Variants in COBLL1 observed in about 807,000 individuals in gnomAD.
COBLL1 encodes cordon-bleu WH2 repeat protein like 1, also known as cordon-bleu protein-like 1.
COBLL1 carries 50 observed loss-of-function variants against 94.8 expected under a neutral mutation model. The observed-to-expected ratio is 0.53, with a 90% CI of 0.42 to 0.67. COBLL1 has a LOEUF of 0.67. Among genes scored for constraint, COBLL1 ranks in the 30% least tolerant of loss-of-function variants. The probability of loss-of-function intolerance (pLI) is 0.00; values close to 1 mark genes in which losing one functional copy is unlikely to be tolerated. For synonymous variants in COBLL1, 448 were observed against 473.8 expected (o/e 0.95, Z 0.71); for missense variants, 1,362 against 1,348.7 (o/e 1.01, Z -0.15).
intron 2 of COBLL1, among the ~76,000 whole-genome samples, chr2:164,815,554 T>C (rs1684688506): frequency 6.6e-6 from 1 of 152,156 alleles, no homozygotes; most frequent in Non-Finnish European, 1.5e-5. Context: ...GAAAATTGTA[T>C]AAGCCTAGTT....
In COBLL1 at chr2:164,812,209, G is replaced by T. The variant is rs762302336; in HGVS notation, c.41+28947C>A. On this transcript the variant is annotated intron_variant, in intron 2 of 13. Coordinates refer to ENST00000652658, the MANE Select transcript of COBLL1 (RefSeq NM_001365672.2). ...CTGTATTATGTACGAAACTAGGTCA[G>T]CCAGTCAAGAACACTTGAATGTTGG... 4.3e-4 allele frequency among the ~76,000 whole-genome samples: 65 copies of T among 152,086 alleles called. No homozygotes were observed. In the Middle Eastern group the frequency reaches 0.01, roughly 24 times the overall value.
In COBLL1 at chr2:164,731,860, C is replaced by T. The variant is rs73968239; in HGVS notation, c.231-1745G>A. ...GCACCTGTTTTCATACGGCACGTCA[C>T]CCCTAGTAAGCTCCCAGGCCTGCAG... On this transcript the variant is annotated intron_variant, in intron 3 of 13. Transcript: ENST00000652658. 2.4e-3 allele frequency among the ~76,000 whole-genome samples: 365 copies of T among 152,286 alleles called. 2 individuals carry two copies. Among genetic ancestry groups the T allele is most frequent in the African/African-American group, 8.3e-3 (347 of 41,562 alleles).
intron 7 of COBLL1, among the ~76,000 whole-genome samples, chr2:164,712,812 A>G (rs1006633853): frequency 6.6e-6 from 1 of 152,156 alleles, no homozygotes; most frequent in African/African-American, 2.4e-5. Context: ...CAATCTCACA[A>G]GACACAAATA....
chr2:164,661,752 A>G (rs943375305), intron 2 of COBLL1, among the ~76,000 whole-genome samples: 1 of 152,188 alleles, frequency 6.6e-6, no homozygotes, highest in Non-Finnish European at 1.5e-5. Context: ...ACTGTTTGGA[A>G]TTTAATTTAT....
chr2:164,767,700 G>A lies in COBLL1; in HGVS notation c.42-23825C>T, dbSNP rs74426755. ...CATATTTTTATTTCATTATTTTAGT[G>A]TCCCATTCAATTATAATTTAATAGC... is the stretch of plus-strand genomic sequence containing the variant. On this transcript the variant is annotated intron_variant, in intron 2 of 13. Transcript: ENST00000652658. Among the ~76,000 whole-genome samples, 786 of 152,038 alleles carry A rather than the reference G, an allele frequency of 5.2e-3. 12 individuals are homozygous for A. Among genetic ancestry groups the A allele is most frequent in the African/African-American group, 0.017 (725 of 41,484 alleles).
intron 2 of COBLL1, among the ~76,000 whole-genome samples, chr2:164,816,342 G>A (rs561627792): frequency 1.3e-5 from 2 of 152,208 alleles, no homozygotes; most frequent in South Asian, 4.1e-4. Context: ...GTGGGTGAAA[G>A]GACAGTGTGA....
intron 2 of COBLL1, among the ~76,000 whole-genome samples, chr2:164,800,160 A>G (rs1683691216): frequency 6.6e-6 from 1 of 152,218 alleles, no homozygotes; most frequent in Admixed American, 6.5e-5. Context: ...CTAGGAGAAA[A>G]TATTTCCAAA....
intron 13 of COBLL1, among the ~76,000 whole-genome samples, chr2:164,690,338 G>A (rs565780880): frequency 2.6e-5 from 4 of 152,104 alleles, no homozygotes; most frequent in Admixed American, 2.0e-4. Context: ...CTATCAATAA[G>A]GTTCCACTGA....
At chr2:164,710,236 T>C (rs890280364) in intron 7 of COBLL1, among the ~76,000 whole-genome samples, 1 of 152,082 alleles carries the variant, frequency 6.6e-6, no homozygotes, top group Non-Finnish European at 1.5e-5. Context: ...ATGTTCTACA[T>C]CTACTAAAAA....
In COBLL1 at chr2:164,789,020, A is replaced by AACACACAC. The variant is rs56773751; in HGVS notation, c.42-45153_42-45146dup. ...GATTACCTGTAGGAGTAGAGGTTTA[A>AACACACAC]ACACACACACACACACACACACACA... On this transcript the variant is annotated intron_variant, in intron 2 of 13. Transcript: ENST00000652658. 8.0e-4 allele frequency among the ~76,000 whole-genome samples: 114 copies of AACACACAC among 141,668 alleles called. 1 individual carries two copies. The highest frequency in any genetic ancestry group is 3.6e-3 in the Middle Eastern group (1 of 280). 92.9% of individuals were successfully genotyped at this position (141,668 alleles called of 152,430 possible).
intron 2 of COBLL1, among the ~76,000 whole-genome samples, chr2:164,747,520 G>A (rs1558977161): frequency 6.6e-6 from 1 of 152,180 alleles, no homozygotes; most frequent in Non-Finnish European, 1.5e-5. Context: ...GTCTGGCTCT[G>A]TCACCTAGGC....
chr2:164,751,476 G>C (rs1344393813), intron 2 of COBLL1, among the ~76,000 whole-genome samples: 6 of 151,736 alleles, frequency 4.0e-5, no homozygotes, highest in Non-Finnish European at 1.5e-5. Flanking sequence ...GTTGCTGAGA[G>C]TCAACCTGTT....
intron 2 of COBLL1, among the ~76,000 whole-genome samples, chr2:164,768,203 C>T (rs1049725168): frequency 8.5e-5 from 13 of 152,102 alleles, no homozygotes; most frequent in African/African-American, 3.1e-4. Context: ...CCTGCTACTC[C>T]TTAATTTATT....
rs1683639497 is a variant in COBLL1, at chr2:164,841,805, C to T, written c.-146G>A. ...CGGCCCGCGCTCTTGCCGCTCGGCT[C>T]TCAAGCCAGGACTTGAATGGAGAAG... On this transcript the variant is annotated 5_prime_UTR_variant, in exon 1 of 14. Coordinates refer to ENST00000652658, the MANE Select transcript of COBLL1 (RefSeq NM_001365672.2). This position sits in a 1 kb window ranked among gnomAD's most constrained non-coding sequence, Gnocchi z 5.5. 2 of 602,456 alleles carry T rather than the reference C, an allele frequency of 3.3e-6. No individual in the cohort carries two copies. Among genetic ancestry groups the T allele is most frequent in the East Asian group, 3.2e-5 (1 of 31,352 alleles). The allele number at this position is 602,456 out of a possible 1,614,324, so 37.3% of individuals were successfully genotyped here.
chr2:164,672,572 G>T (rs1173084998), intron 1 of COBLL1, among the ~76,000 whole-genome samples: 2 of 151,628 alleles, frequency 1.3e-5, no homozygotes, highest in Non-Finnish European at 2.9e-5. Flanking sequence ...GGTGGCGGGC[G>T]CCTGTAGTCC....
intron 2 of COBLL1, among the ~76,000 whole-genome samples, chr2:164,815,202 C>T (rs544834035): frequency 2.6e-5 from 4 of 152,040 alleles, no homozygotes; most frequent in Non-Finnish European, 5.9e-5. Context: ...GAGTTTGAGA[C>T]CAGCCTGGCC....
At chr2:164,818,691 T>C (rs1684999324) in intron 2 of COBLL1, among the ~76,000 whole-genome samples, 1 of 146,550 alleles carries the variant, frequency 6.8e-6, no homozygotes, top group South Asian at 2.1e-4. Context: ...ATATAGTGTA[T>C]ATGTACTTAT....
At position 164,695,781 on chromosome 2, in the gene COBLL1, A is replaced by G. The variant is rs766514749; in HGVS notation, c.1611T>C (p.Asn537=). 2 of 1,610,394 alleles carry G rather than the reference A, an allele frequency of 1.2e-6. No individual in the cohort carries two copies. Among genetic ancestry groups the G allele is most frequent in the South Asian group, 2.2e-5 (2 of 90,354 alleles). The change falls in exon 12 of 14, where the codon AAT becomes AAC. Residue 537 remains asparagine (N), a synonymous_variant. Coordinates refer to ENST00000652658, the MANE Select transcript of COBLL1 (RefSeq NM_001365672.2). ...YPENTEDNMK[N]GVKKTEINVE... ...CATTGATTTCTGTTTTCTTCACTCC[A>G]TTTTTCATATTGTCTTCTGTGTTCT...
intron 1 of COBLL1, among the ~76,000 whole-genome samples, chr2:164,671,849 C>A (rs1198228578): frequency 6.6e-6 from 1 of 151,876 alleles, no homozygotes; most frequent in Non-Finnish European, 1.5e-5. Context: ...AATCTCAATT[C>A]TCACCAGTTT....
Sources: allele counts gnomAD v4.1 joint callset (sites outside exome capture counted in the v4.1 genomes callset), GRCh38; gene constraint gnomAD v4.1.1; non-coding constraint Gnocchi (gnomAD v3.1); transcripts MANE v1.5; gene names NCBI Gene and HGNC (gene_info 2026-07-23, HGNC 2026-07-21).